GRID1: variants seen among roughly 807,000 people sequenced by gnomAD.
GRID1 encodes the protein glutamate ionotropic receptor delta type subunit 1.
Under a neutral mutation model 98.0 loss-of-function variants are expected in GRID1, and 28 were observed. The observed-to-expected ratio is 0.29, with a 90% CI of 0.21 to 0.39. The LOEUF (loss-of-function observed/expected upper bound fraction) is 0.39. Among genes scored for constraint, GRID1 ranks in the 10% least tolerant of loss-of-function variants. GRID1 has a pLI of 1.00. For missense variants in GRID1, 1,111 were observed against 1,340.5 expected, an observed-to-expected ratio of 0.83 and a Z score of 2.67; for synonymous variants, 553 against 538.5, an observed-to-expected ratio of 1.03 and a Z score of -0.37.
At chr10:85,686,611 T>C (rs944022528) in intron 12 of GRID1, among the ~76,000 whole-genome samples, 3 of 152,136 alleles carry the variant, frequency 2.0e-5, no homozygotes, top group Non-Finnish European at 4.4e-5. Context: ...TACAGTTCAA[T>C]ACTACTTATA....
chr10:85,665,297 A>G (rs1211923739), intron 12 of GRID1, among the ~76,000 whole-genome samples: 1 of 152,188 alleles, frequency 6.6e-6, no homozygotes, highest in African/African-American at 2.4e-5. Flanking sequence ...GTCAACCTAC[A>G]GATCCAAAGT....
chr10:86,213,375 G>A (rs183353411), intron 2 of GRID1, among the ~76,000 whole-genome samples: 19 of 151,940 alleles, frequency 1.3e-4, no homozygotes, highest in South Asian at 1.0e-3. Context: ...CTCCCTCCCC[G>A]TTCTTCTTGA....
intron 4 of GRID1, among the ~76,000 whole-genome samples, chr10:86,004,556 C>T (rs1196300136): frequency 6.6e-6 from 1 of 152,164 alleles, no homozygotes; most frequent in African/African-American, 2.4e-5. Flanking sequence ...AGAAGGCTGG[C>T]CTCTCCCAAC....
intron 2 of GRID1, among the ~76,000 whole-genome samples, chr10:86,298,196 C>T (rs1351161289): frequency 6.6e-6 from 1 of 152,082 alleles, no homozygotes; most frequent in Non-Finnish European, 1.5e-5. Context: ...AATTTAATGG[C>T]CAATTTATGC....
At position 85,602,285 on chromosome 10, in the gene GRID1, C is replaced by T; in HGVS notation, c.3018G>A (p.Gly1006=). 2.6e-6 allele frequency: 4 copies of T among 1,514,978 alleles called. No individual in the cohort carries two copies. The East Asian group carries it at 9.1e-5, about 35-fold the overall frequency. The allele number at this position is 1,514,978 out of a possible 1,614,324, so 93.8% of individuals were successfully genotyped here. A position where few individuals can be genotyped will look rare whatever the true frequency, so the allele number is the denominator to read the frequency against. Residue 1006 remains glycine, a synonymous_variant, in exon 16 of 16, where the codon GGG becomes GGA. Transcript: ENST00000327946. ...VLPEALDTSH[G]TSI ...GCAGGCGGCGCAGTCAGATGGAGGT[C>T]CCGTGGGAGGTGTCCAGAGCCTCTG...
chr10:85,710,213 T>C (rs916510231), intron 12 of GRID1, among the ~76,000 whole-genome samples: 1 of 152,170 alleles, frequency 6.6e-6, no homozygotes, highest in African/African-American at 2.4e-5. Flanking sequence ...TTTTATGATT[T>C]CCAAATGTAA....
intron 3 of GRID1, among the ~76,000 whole-genome samples, chr10:86,187,993 AGACTCCAGGAG>A (rs1284038012): frequency 6.6e-6 from 1 of 152,188 alleles, no homozygotes; most frequent in African/African-American, 2.4e-5. Flanking sequence ...GGCTGGGTGA[AGACTCCAGGAG>A]GACTCCAGGC....
intron 13 of GRID1, among the ~76,000 whole-genome samples, chr10:85,633,752 G>A (rs1843001619): frequency 6.6e-6 from 1 of 152,200 alleles, no homozygotes; most frequent in Admixed American, 6.5e-5. Context: ...ACTTTGAGGA[G>A]CTACAAAAGA....
At chr10:85,833,261 C>T (rs1240392208) in intron 8 of GRID1, among the ~76,000 whole-genome samples, 3 of 152,116 alleles carry the variant, frequency 2.0e-5, no homozygotes, top group African/African-American at 4.8e-5. Context: ...TCACAAGTGC[C>T]CTGCCTGGGA....
At chr10:86,128,014 A>G (rs1247146592) in intron 4 of GRID1, among the ~76,000 whole-genome samples, 1 of 152,174 alleles carries the variant, frequency 6.6e-6, no homozygotes, top group Admixed American at 6.5e-5. Flanking sequence ...ACCAGTAAAT[A>G]GCCTCAAAAA....
At chr10:86,106,227 T>G (rs566469930) in intron 4 of GRID1, among the ~76,000 whole-genome samples, 4 of 152,326 alleles carry the variant, frequency 2.6e-5, no homozygotes, top group Admixed American at 1.3e-4. Flanking sequence ...AATTGAAGAT[T>G]GGAAACAGTC....
intron 4 of GRID1, among the ~76,000 whole-genome samples, chr10:86,130,520 G>C (rs907958810): frequency 1.3e-5 from 2 of 152,236 alleles, no homozygotes; most frequent in African/African-American, 2.4e-5. Flanking sequence ...AGTAGAGAAG[G>C]AGAGGAGAGA....
chr10:86,237,720 T>C (rs1589422037), intron 2 of GRID1, among the ~76,000 whole-genome samples: 1 of 139,952 alleles, frequency 7.1e-6, no homozygotes, highest in Non-Finnish European at 1.6e-5. Flanking sequence ...AAAAAAAGCA[T>C]GTAGCACCTT....
chr10:85,803,724 G>A (rs951803623), intron 8 of GRID1, among the ~76,000 whole-genome samples: 5 of 151,920 alleles, frequency 3.3e-5, no homozygotes, highest in African/African-American at 1.2e-4. Flanking sequence ...TACATGGTAA[G>A]TGTATATATT....
At chr10:86,004,727 T>TAC (rs1406421884) in intron 4 of GRID1, among the ~76,000 whole-genome samples, 4 of 76,720 alleles carry the variant, frequency 5.2e-5, no homozygotes, top group African/African-American at 1.7e-4. Context: ...TCTCTCTTTC[T>TAC]ACACACACAC....
intron 4 of GRID1, among the ~76,000 whole-genome samples, chr10:86,035,873 G>T (rs1016906140): frequency 1.8e-4 from 28 of 152,312 alleles, no homozygotes; most frequent in African/African-American, 6.3e-4. Flanking sequence ...ATAAAATAGG[G>T]GTGGTAAAAT....
intron 3 of GRID1, among the ~76,000 whole-genome samples, chr10:86,153,006 C>T (rs981106534): frequency 6.6e-6 from 1 of 152,196 alleles, no homozygotes; most frequent in African/African-American, 2.4e-5. Context: ...GCAACCAGAG[C>T]CAGAAGTGAA....
chr10:85,850,696 T>C (rs1350884130), intron 8 of GRID1, among the ~76,000 whole-genome samples: 1 of 152,164 alleles, frequency 6.6e-6, no homozygotes, highest in East Asian at 1.9e-4. Context: ...CACAGTCCCA[T>C]TTGCCCAAAG....
chr10:85,769,394 C>T (rs1010516051), intron 8 of GRID1, among the ~76,000 whole-genome samples: 17 of 152,144 alleles, frequency 1.1e-4, no homozygotes, highest in African/African-American at 3.1e-4. Flanking sequence ...CCAGCGTGAG[C>T]GACACAGAAG....
Sources: gnomAD v4.1 joint callset for allele counts (sites outside exome capture counted in the v4.1 genomes callset) on GRCh38, gnomAD v4.1.1 for gene constraint, MANE v1.5 for transcripts, NCBI Gene and HGNC (gene_info 2026-07-23, HGNC 2026-07-21) for gene names.